The following GNA11 variants were observed in gnomAD, a reference collection of about 807,000 sequenced individuals.
GNA11 encodes guanine nucleotide-binding protein subunit alpha-11.
Under a neutral mutation model 38.2 loss-of-function variants are expected in GNA11, and 8 were observed. That is an observed-to-expected ratio of 0.21 (90% CI 0.12 to 0.38). GNA11 has a LOEUF of 0.38. GNA11 is among the 10% of genes least tolerant of loss of function. GNA11 has a pLI of 1.00. For synonymous variants in GNA11, 211 were observed against 221.4 expected, an observed-to-expected ratio of 0.95 and a Z score of 0.42; for missense variants, 268 against 516.3, an observed-to-expected ratio of 0.52 and a Z score of 4.66.
intron 4 of GNA11, chr19:3,118,679 G>A (rs940187774): frequency 1.5e-5 from 7 of 474,896 alleles, no homozygotes; most frequent in Admixed American, 7.1e-5. Context: ...ACTAGCGCCC[G>A]CTTCCCTGGG....
intron 4 of GNA11, among the ~76,000 whole-genome samples, chr19:3,115,671 G>C (rs1361639838): frequency 1.3e-5 from 2 of 151,046 alleles, no homozygotes; most frequent in African/African-American, 4.9e-5. Flanking sequence ...CCGGAGCAGG[G>C]GGTGCCGCAT....
chr19:3,115,873 T>G (rs1599305615), intron 4 of GNA11, among the ~76,000 whole-genome samples: 2 of 34,272 alleles, frequency 5.8e-5, no homozygotes, highest in African/African-American at 1.3e-4. Flanking sequence ...ACTGAGGCTG[T>G]GAGGGGAGGA....
At chr19:3,109,667 C>T (rs539839784) in intron 1 of GNA11, among the ~76,000 whole-genome samples, 1 of 152,234 alleles carries the variant, frequency 6.6e-6, no homozygotes, top group African/African-American at 2.4e-5. Flanking sequence ...GGGAAGGGGG[C>T]GCCCAGCCCT....
chr19:3,101,612 C>A (rs1172835554), intron 1 of GNA11, among the ~76,000 whole-genome samples: 1 of 152,158 alleles, frequency 6.6e-6, no homozygotes, highest in African/African-American at 2.4e-5. Context: ...ATCCCACACT[C>A]TTTGGCGATG....
intron 1 of GNA11, among the ~76,000 whole-genome samples, chr19:3,109,892 A>G (rs1170284065): frequency 1.3e-5 from 2 of 152,132 alleles, no homozygotes; most frequent in Admixed American, 1.3e-4. Context: ...GGCCCCCAGG[A>G]AAGTGTGTCC....
At position 3,123,872 on chromosome 19, in the gene GNA11, G is replaced by A. The variant is rs1914150744; in HGVS notation, c.*2693G>A. The A allele has an allele frequency of 4.3e-6, 1 of 232,652 alleles. No homozygotes were observed. The highest frequency in any genetic ancestry group is 8.5e-6 in the Non-Finnish European group (1 of 117,660). The allele number at this position is 232,652 out of a possible 1,614,324, so 14.4% of individuals were successfully genotyped here. ...TGGGGATGGGAGGAGGGGCTGAGGA[G>A]CGGCTCAGTGTCACCTCCCACAGCC... is the stretch of plus-strand genomic sequence containing the variant. On this transcript the variant is annotated 3_prime_UTR_variant, in exon 7 of 7. Transcript: ENST00000078429.
chr19:3,113,163 C>T (rs1210358886), intron 2 of GNA11, among the ~76,000 whole-genome samples, 167 bp from the exon 3 acceptor site: 1 of 152,240 alleles, frequency 6.6e-6, no homozygotes, highest in African/African-American at 2.4e-5. Context: ...CAGGCGGCCT[C>T]GCGTTTTTCT....
intron 4 of GNA11, among the ~76,000 whole-genome samples, chr19:3,116,504 C>T (rs1477523959): frequency 3.9e-5 from 6 of 152,206 alleles, no homozygotes; most frequent in African/African-American, 7.2e-5. Context: ...CGGGTTGCCT[C>T]ATCCCTGCCC....
rs1419836860 is a variant in GNA11, at chr19:3,094,582, C to G, written c.-70C>G. 1.5e-5 allele frequency: 12 copies of G among 805,822 alleles called. No individual in the cohort carries two copies. The highest frequency in any genetic ancestry group is 5.8e-5 in the African/African-American group (3 of 51,298). 49.9% of individuals were successfully genotyped at this position (805,822 alleles called of 1,614,324 possible). On this transcript the variant is annotated 5_prime_UTR_variant, in exon 1 of 7. Transcript: ENST00000078429. The surrounding 1 kb of genome is among the most constrained non-coding windows in gnomAD (Gnocchi z 6.0). Reference sequence around the variant, plus strand: ...GCGGCGGGCGGCGGCCGAGGCGGCTCCGGCCAGGGCCGGGCCGGGGGCCGG... The same window carrying G: ...GCGGCGGGCGGCGGCCGAGGCGGCTGCGGCCAGGGCCGGGCCGGGGGCCGG...
chr19:3,094,894 G>A lies in GNA11; in HGVS notation c.136+107G>A. On this transcript the variant is annotated intron_variant, in intron 1 of 6. Transcript: ENST00000078429. This position sits in a 1 kb window ranked among gnomAD's most constrained non-coding sequence, Gnocchi z 6.0. ...CTCCGGGGTCAGCCCTGCCTGTGCC[G>A]TCCGGGTCGCGAGACCCTCCGGGGT... is the stretch of plus-strand genomic sequence containing the variant. The A allele has an allele frequency of 3.7e-6, 3 of 810,844 alleles. No individual in the cohort carries two copies. In the South Asian group the frequency reaches 7.2e-5, roughly 20 times the overall value. The allele number at this position is 810,844 out of a possible 1,614,324, so 50.2% of individuals were successfully genotyped here. A position where few individuals can be genotyped will look rare whatever the true frequency, so the allele number is the denominator to read the frequency against.
rs1239946906 is a variant in GNA11 at position 3,108,404 on chromosome 19, G to A, written c.137-1745G>A. Among the ~76,000 whole-genome samples the A allele has an allele frequency of 6.6e-6, 1 of 152,198 alleles. No individual in the cohort carries two copies. The highest frequency in any genetic ancestry group is 1.5e-5 in the Non-Finnish European group (1 of 68,034). ...GGAAGTGAGCTGGGTCCCAGCACCA[G>A]GCAGCCTTTAGGCAGCTGTGATTGG... On this transcript the variant is annotated intron_variant, in intron 1 of 6. Transcript: ENST00000078429. This position sits in a 1 kb window ranked among gnomAD's most constrained non-coding sequence, Gnocchi z 4.5.
Position 3,120,344 on chromosome 19 carries a change from T to C in GNA11, c.890-645T>C, listed in dbSNP as rs372774. Among the ~76,000 whole-genome samples the C allele has an allele frequency of 0.44, 66,953 of 151,596 alleles. 15,690 individuals are homozygous for C. Among genetic ancestry groups the C allele is most frequent in the Admixed American group, 0.59 (9,039 of 15,264 alleles). Reference sequence around the variant, plus strand: ...GTCCTGTGGGCTCAGAGAGCCCTGGTGGGGGGAGGCCAAGGGACTGGGGCA... The same window carrying C: ...GTCCTGTGGGCTCAGAGAGCCCTGGCGGGGGGAGGCCAAGGGACTGGGGCA... On this transcript the variant is annotated intron_variant, in intron 6 of 6. Transcript: ENST00000078429. This position sits in a 1 kb window ranked among gnomAD's most constrained non-coding sequence, Gnocchi z 5.9.
At position 3,094,966 on chromosome 19, in the gene GNA11, G is replaced by T. The variant is rs1048258255; in HGVS notation, c.136+179G>T. Among the ~76,000 whole-genome samples the T allele has an allele frequency of 3.4e-5, 5 of 148,498 alleles. No individual in the cohort carries two copies. Among genetic ancestry groups the T allele is most frequent in the Admixed American group, 3.3e-4 (5 of 15,024 alleles). ...TGCCTGTCCGGGTCGCGGGACCCTC[G>T]AGTGTCAGCCCTGCCTGTGCCTTCA... On this transcript the variant is annotated intron_variant, in intron 1 of 6. Coordinates refer to ENST00000078429, the MANE Select transcript of GNA11 (RefSeq NM_002067.5). This position sits in a 1 kb window ranked among gnomAD's most constrained non-coding sequence, Gnocchi z 6.0.
intron 1 of GNA11, among the ~76,000 whole-genome samples, chr19:3,104,790 GAGGGAA>G (rs1913597753): frequency 6.6e-6 from 1 of 152,220 alleles, no homozygotes; most frequent in African/African-American, 2.4e-5. Context: ...CCTCACTGAG[GAGGGAA>G]TGGCAGAGCC....
rs564202936 is a variant in GNA11 at position 3,120,016 on chromosome 19, G to A, written c.889+657G>A. ...TTGTGTGCCCTCGTCTGTGTGGTCA[G>A]TGGCTGCCGTTAGTGCTGTCACCAC... On this transcript the variant is annotated intron_variant, in intron 6 of 6. Transcript: ENST00000078429. This position sits in a 1 kb window ranked among gnomAD's most constrained non-coding sequence, Gnocchi z 5.9. Among the ~76,000 whole-genome samples the A allele has an allele frequency of 1.7e-3, 253 of 152,210 alleles. No individual in the cohort carries two copies. The highest frequency in any genetic ancestry group is 5.9e-3 in the African/African-American group (244 of 41,522).
At chr19:3,098,965 C>T (rs936695363) in intron 1 of GNA11, among the ~76,000 whole-genome samples, 4 of 152,216 alleles carry the variant, frequency 2.6e-5, no homozygotes, top group African/African-American at 4.8e-5. Flanking sequence ...CGGGAAGCTC[C>T]GTTCCACAGC....
chr19:3,107,531 G>A (rs991763725), intron 1 of GNA11, among the ~76,000 whole-genome samples: 12 of 152,240 alleles, frequency 7.9e-5, no homozygotes, highest in African/African-American at 2.7e-4. Context: ...TGCTGGTCTC[G>A]TGTCAGGTGT....
In GNA11 at chr19:3,094,639, CG is replaced by C; in HGVS notation, c.-9del. ...GCGGCGGGCAGGCGGCCGCGTCGGC[CG>C]GGGCCGGGACGATGACTCTGGAGTC... On this transcript the variant is annotated 5_prime_UTR_variant, in exon 1 of 7. Coordinates refer to ENST00000078429, the MANE Select transcript of GNA11 (RefSeq NM_002067.5). This position sits in a 1 kb window ranked among gnomAD's most constrained non-coding sequence, Gnocchi z 6.0. 7.9e-7 allele frequency: 1 copy of C among 1,273,856 alleles called. No homozygotes were observed. The allele number at this position is 1,273,856 out of a possible 1,614,324, so 78.9% of individuals were successfully genotyped here. A position where few individuals can be genotyped will look rare whatever the true frequency, so the allele number is the denominator to read the frequency against.
intron 3 of GNA11, among the ~76,000 whole-genome samples, chr19:3,114,019 G>C (rs998356668): frequency 5.9e-5 from 9 of 152,146 alleles, no homozygotes; most frequent in African/African-American, 1.7e-4. Flanking sequence ...GGAGGCCCCC[G>C]CGTGGCAGGC....
Sources: allele counts gnomAD v4.1 joint callset (sites outside exome capture counted in the v4.1 genomes callset), GRCh38; gene constraint gnomAD v4.1.1; non-coding constraint Gnocchi (gnomAD v3.1); transcripts MANE v1.5; gene names NCBI Gene and HGNC (gene_info 2026-07-23, HGNC 2026-07-21).